The following NLGN1 variants were observed in gnomAD, a reference collection of about 807,000 sequenced individuals.
The protein encoded by NLGN1 is neuroligin 1.
NLGN1 carries 12 observed loss-of-function variants against 65.5 expected under a neutral mutation model. The ratio of observed to expected loss-of-function variants is 0.18; its 90% CI spans 0.12 to 0.30. NLGN1 has a LOEUF of 0.30. Ranked by LOEUF, NLGN1 falls within the 10% of genes least tolerant of loss-of-function variation. NLGN1 has a pLI of 1.00. For synonymous variants in NLGN1, 350 were observed against 359.5 expected (o/e 0.97, Z 0.30); for missense variants, 750 against 1,007.1 (o/e 0.74, Z 3.46).
At chr3:173,928,740 C>T (rs892547469) in intron 4 of NLGN1, among the ~76,000 whole-genome samples, 4 of 148,514 alleles carry the variant, frequency 2.7e-5, no homozygotes, top group East Asian at 2.0e-4. Context: ...GGCACGATCT[C>T]GGCTCCCTGC....
chr3:173,498,698 C>A (rs1252011865), intron 2 of NLGN1, among the ~76,000 whole-genome samples: 1 of 151,892 alleles, frequency 6.6e-6, no homozygotes, highest in Non-Finnish European at 1.5e-5. Flanking sequence ...TATTTCTTCA[C>A]ATCCTCTCCA....
chr3:173,509,010 G>A (rs1426999354), intron 2 of NLGN1, among the ~76,000 whole-genome samples: 2 of 152,064 alleles, frequency 1.3e-5, no homozygotes, highest in Admixed American at 1.3e-4. Flanking sequence ...ATATTTTCAT[G>A]TCAAGTTCCA....
At chr3:174,142,690 A>G (rs1392987366) in intron 4 of NLGN1, among the ~76,000 whole-genome samples, 1 of 152,142 alleles carries the variant, frequency 6.6e-6, no homozygotes, top group Admixed American at 6.6e-5. Flanking sequence ...AGCCAAAAAA[A>G]GGGTTAAATC....
chr3:174,056,013 A>G (rs2152510405), intron 4 of NLGN1, among the ~76,000 whole-genome samples: 1 of 152,128 alleles, frequency 6.6e-6, no homozygotes, highest in East Asian at 1.9e-4. Flanking sequence ...TTATATGCTA[A>G]GTATTGTGCT....
chr3:173,851,184 G>C (rs1466231524), intron 4 of NLGN1, among the ~76,000 whole-genome samples: 1 of 152,134 alleles, frequency 6.6e-6, no homozygotes, highest in Non-Finnish European at 1.5e-5. Flanking sequence ...GTTTGCACAA[G>C]CTGATTTTTC....
chr3:174,210,974 G>A (rs538623788), intron 4 of NLGN1, among the ~76,000 whole-genome samples: 8 of 152,238 alleles, frequency 5.3e-5, no homozygotes, highest in South Asian at 2.1e-4. Flanking sequence ...ATGAAGCCGC[G>A]GACCCTCGCG....
intron 3 of NLGN1, among the ~76,000 whole-genome samples, chr3:173,689,031 G>A (rs1267442131): frequency 1.3e-5 from 2 of 152,122 alleles, no homozygotes; most frequent in Non-Finnish European, 2.9e-5. Flanking sequence ...TGTCATTTAT[G>A]TCCTACTCTG....
intron 4 of NLGN1, among the ~76,000 whole-genome samples, chr3:174,172,318 T>A (rs1728698040): frequency 6.6e-6 from 1 of 152,116 alleles, no homozygotes; most frequent in Admixed American, 6.6e-5. Context: ...CTCTTAGTTA[T>A]TTTTAAATTA....
intron 4 of NLGN1, among the ~76,000 whole-genome samples, chr3:174,065,728 C>A (rs78953279): frequency 6.6e-6 from 1 of 150,742 alleles, no homozygotes; most frequent in South Asian, 2.1e-4. Flanking sequence ...AAAAAAAAAA[C>A]AACATGACAT....
intron 1 of NLGN1, chr3:173,399,660 T>C (rs970613893): frequency 1.3e-5 from 2 of 152,198 alleles, no homozygotes; most frequent in Non-Finnish European, 2.9e-5. Flanking sequence ...CTTCCAACTC[T>C]GAAATTCTTA....
chr3:173,661,920 C>T (rs1459597290), intron 3 of NLGN1, among the ~76,000 whole-genome samples: 1 of 152,004 alleles, frequency 6.6e-6, no homozygotes, highest in Non-Finnish European at 1.5e-5. Flanking sequence ...CATTTGGAAC[C>T]TTGGCGAATC....
intron 4 of NLGN1, among the ~76,000 whole-genome samples, chr3:174,235,789 A>T (rs1741590732): frequency 6.6e-6 from 1 of 152,204 alleles, no homozygotes; most frequent in Middle Eastern, 3.2e-3. Flanking sequence ...CTTCTAAAAG[A>T]GTAGAACTAA....
chr3:174,153,577 C>A (rs996966395), intron 4 of NLGN1, among the ~76,000 whole-genome samples: 5 of 152,062 alleles, frequency 3.3e-5, no homozygotes, highest in African/African-American at 1.2e-4. Flanking sequence ...AAACAGGAAA[C>A]ATCTTTGAAA....
At chr3:173,787,098 A>C (rs75052221) in intron 3 of NLGN1, among the ~76,000 whole-genome samples, 6,695 of 151,920 alleles carry the variant, frequency 0.044, 496 homozygotes, top group African/African-American at 0.15. Context: ...AAAAGAAGAA[A>C]GATATTGGAG....
intron 3 of NLGN1, among the ~76,000 whole-genome samples, chr3:173,638,113 A>T (rs1184273665): frequency 7.2e-5 from 11 of 152,012 alleles, no homozygotes; most frequent in Non-Finnish European, 1.6e-4. Flanking sequence ...CTCCTGTTTT[A>T]CGCCAGTTCA....
chr3:173,449,719 G>A (rs1721112010), intron 2 of NLGN1, among the ~76,000 whole-genome samples: 1 of 152,186 alleles, frequency 6.6e-6, no homozygotes, highest in Non-Finnish European at 1.5e-5. Context: ...AGGTCACTAA[G>A]GACTTGCTTT....
chr3:173,564,289 G>GA (rs1214310872), intron 2 of NLGN1, among the ~76,000 whole-genome samples: 1 of 152,232 alleles, frequency 6.6e-6, no homozygotes, highest in African/African-American at 2.4e-5. Flanking sequence ...TGAATGAAGG[G>GA]AAAATACAAA....
At chr3:173,734,506 C>CAA (rs1773425912) in intron 3 of NLGN1, among the ~76,000 whole-genome samples, 1 of 148,188 alleles carries the variant, frequency 6.7e-6, no homozygotes. Context: ...AAGTCGTTCT[C>CAA]CTGCCTCAGT....
chr3:174,070,081 G>A (rs2152532769), intron 4 of NLGN1, among the ~76,000 whole-genome samples: 1 of 152,262 alleles, frequency 6.6e-6, no homozygotes, highest in South Asian at 2.1e-4. Flanking sequence ...TGGTGACGAT[G>A]TTATAAAATG....
Sources: allele counts gnomAD v4.1 joint callset (sites outside exome capture counted in the v4.1 genomes callset), GRCh38; gene constraint gnomAD v4.1.1; transcripts MANE v1.5; gene names NCBI Gene and HGNC (gene_info 2026-07-23, HGNC 2026-07-21).